The following GALNT18 variants were observed in gnomAD, a reference collection of about 807,000 sequenced individuals.
GALNT18 encodes GalNAc-transferase 18.
In GALNT18, 44 loss-of-function variants were observed where a neutral mutation model predicts 69.5. The observed-to-expected ratio is 0.63, with a 90% CI of 0.50 to 0.81. The LOEUF is 0.81. Among genes scored for constraint, GALNT18 ranks in the 40% least tolerant of loss-of-function variants. The pLI is 0.00. For synonymous variants in GALNT18, 364 were observed against 318.2 expected, an observed-to-expected ratio of 1.14 and a Z score of -1.53; for missense variants, 715 against 810.0, an observed-to-expected ratio of 0.88 and a Z score of 1.42.
chr11:11,550,197 C>G (rs11021920), intron 1 of GALNT18, among the ~76,000 whole-genome samples: 38,352 of 152,160 alleles, frequency 0.25, 6,116 homozygotes, highest in Middle Eastern at 0.39. Context: ...TGTCCCAGTC[C>G]AGGTGGAAAC....
chr11:11,299,691 C>A (rs10831578), intron 9 of GALNT18, among the ~76,000 whole-genome samples: 2 of 152,064 alleles, frequency 1.3e-5, no homozygotes, highest in African/African-American at 2.4e-5. Context: ...GGTATATATA[C>A]CACATTTTCT....
At position 11,418,666 on chromosome 11, in the gene GALNT18, G is replaced by A. The variant is rs79798117; in HGVS notation, c.595+13955C>T. ...ATCATCTGCACTCGGCTGCCAGCTC[G>A]CTGGGGACAGAAACACTTTCTCATC... On this transcript the variant is annotated intron_variant, in intron 3 of 10. Transcript: ENST00000227756. Among the ~76,000 whole-genome samples the A allele has an allele frequency of 2.7e-3, 414 of 152,274 alleles. 3 individuals carry two copies. Among genetic ancestry groups the A allele is most frequent in the African/African-American group, 9.6e-3 (400 of 41,558 alleles).
chr11:11,275,780 TA>T (rs776062575), intron 10 of GALNT18, among the ~76,000 whole-genome samples: 1 of 152,232 alleles, frequency 6.6e-6, no homozygotes, highest in Non-Finnish European at 1.5e-5. Context: ...CACCATTTAT[TA>T]AATAGGGAAT....
intron 1 of GALNT18, among the ~76,000 whole-genome samples, chr11:11,495,890 T>G (rs1355467407): frequency 6.6e-6 from 1 of 152,218 alleles, no homozygotes; most frequent in Non-Finnish European, 1.5e-5. Flanking sequence ...GGTCCTCCTC[T>G]CAAGGCAGTC....
rs1859376783 is a variant in GALNT18 at position 11,592,290 on chromosome 11, G to T, written c.235+29069C>A. Among the ~76,000 whole-genome samples the T allele has an allele frequency of 6.6e-6, 1 of 152,040 alleles. No individual in the cohort carries two copies. The highest frequency in any genetic ancestry group is 2.1e-4 in the South Asian group (1 of 4,816). On this transcript the variant is annotated intron_variant, in intron 1 of 10. Transcript: ENST00000227756. This position sits in a 1 kb window ranked among gnomAD's most constrained non-coding sequence, Gnocchi z 5.9. ...GAAGTGAAATGCTAAGAAATTATAT[G>T]CACGGTTACGAAAAAAAATCAAAGA...
In GALNT18 at chr11:11,620,328, CGCGCGT is replaced by C. The variant is rs200093297; in HGVS notation, c.235+1025_235+1030del. 0.071 allele frequency among the ~76,000 whole-genome samples: 7,811 copies of C among 110,680 alleles called. 271 individuals are homozygous for C. Among genetic ancestry groups the C allele is most frequent in the Non-Finnish European group, 0.096 (5,467 of 57,164 alleles). 72.6% of individuals were successfully genotyped at this position (110,680 alleles called of 152,430 possible). A position where few individuals can be genotyped will look rare whatever the true frequency, so the allele number is the denominator to read the frequency against. On this transcript the variant is annotated intron_variant, in intron 1 of 10. Transcript: ENST00000227756. This position sits in a 1 kb window ranked among gnomAD's most constrained non-coding sequence, Gnocchi z 6.9. Reference sequence around the variant, plus strand: ...AAGTGTGGACGTGAGCGCGCGCGCGCGCGCGTGTGTGTGTGTGTGTGCACACCCGGC... The same window carrying C: ...AAGTGTGGACGTGAGCGCGCGCGCGCGTGTGTGTGTGTGTGCACACCCGGC...
intron 1 of GALNT18, among the ~76,000 whole-genome samples, chr11:11,609,110 T>C (rs1418128678): frequency 6.6e-6 from 1 of 152,212 alleles, no homozygotes; most frequent in African/African-American, 2.4e-5. Flanking sequence ...CCTGGCACAA[T>C]GCCAAGCCCA....
chr11:11,299,842 C>T (rs1303496037), intron 9 of GALNT18, among the ~76,000 whole-genome samples: 7 of 152,196 alleles, frequency 4.6e-5, no homozygotes, highest in Admixed American at 4.6e-4. Context: ...ATTGGGATTG[C>T]TGGATCAAAT....
At chr11:11,491,122 C>G (rs1369025373) in intron 1 of GALNT18, among the ~76,000 whole-genome samples, 1 of 152,076 alleles carries the variant, frequency 6.6e-6, no homozygotes, top group Non-Finnish European at 1.5e-5. Flanking sequence ...CAGGTGGGGT[C>G]GTTGTCACTA....
chr11:11,374,352 C>A (rs1850987393), intron 5 of GALNT18, among the ~76,000 whole-genome samples: 1 of 152,206 alleles, frequency 6.6e-6, no homozygotes, highest in African/African-American at 2.4e-5. Context: ...ACTTGAGAGC[C>A]TCTGGGACAT....
intron 9 of GALNT18, among the ~76,000 whole-genome samples, chr11:11,296,458 G>T (rs945227301): frequency 7.2e-5 from 11 of 152,160 alleles, no homozygotes; most frequent in Admixed American, 7.2e-4. Flanking sequence ...TAATCTCCCT[G>T]CATGCCAGGA....
chr11:11,294,269 C>G (rs1052988240), intron 9 of GALNT18, among the ~76,000 whole-genome samples: 18 of 152,354 alleles, frequency 1.2e-4, no homozygotes, highest in South Asian at 2.1e-4. Flanking sequence ...ATGGGAAATG[C>G]TGTCTACCAG....
chr11:11,275,351 T>C (rs1848921202), intron 10 of GALNT18, among the ~76,000 whole-genome samples: 3 of 152,202 alleles, frequency 2.0e-5, no homozygotes, highest in Non-Finnish European at 4.4e-5. Flanking sequence ...TTTTGAGAAG[T>C]GTCTGTTCAT....
chr11:11,427,552 C>T (rs559873632), intron 3 of GALNT18, among the ~76,000 whole-genome samples: 48 of 152,316 alleles, frequency 3.2e-4, no homozygotes, highest in Admixed American at 2.1e-3. Context: ...TGTGTTATCT[C>T]ATTCAAGCCT....
At chr11:11,608,105 G>C (rs902732631) in intron 1 of GALNT18, among the ~76,000 whole-genome samples, 24 of 152,156 alleles carry the variant, frequency 1.6e-4, no homozygotes, top group African/African-American at 5.3e-4. Context: ...ATTAGTCTGG[G>C]CTCCCCTGGA....
In GALNT18 at chr11:11,457,738, G is replaced by A. The variant is rs1028713901; in HGVS notation, c.236-8802C>T. On this transcript the variant is annotated intron_variant, in intron 1 of 10. Transcript: ENST00000227756. ...GATGTGCTCCCAGGAAACCACTGGA[G>A]CCTTCTTGTTTCTTGTGGTTTACTC... 2.0e-5 allele frequency among the ~76,000 whole-genome samples: 3 copies of A among 152,272 alleles called. No homozygotes were observed. In the East Asian group the frequency reaches 5.8e-4, roughly 29 times the overall value.
chr11:11,423,956 G>A (rs1429994530), intron 3 of GALNT18, among the ~76,000 whole-genome samples: 1 of 152,208 alleles, frequency 6.6e-6, no homozygotes, highest in Non-Finnish European at 1.5e-5. Flanking sequence ...GCCTGGTCAG[G>A]ACTCTTTCTA....
chr11:11,488,840 G>C (rs1239673840), intron 1 of GALNT18, among the ~76,000 whole-genome samples: 6 of 152,190 alleles, frequency 3.9e-5, no homozygotes, highest in African/African-American at 9.7e-5. Flanking sequence ...AGAAGGATGA[G>C]TAAGGTCCAA....
rs1405631776 is a variant in GALNT18 at position 11,327,162 on chromosome 11, G to A, written c.1436C>T (p.Thr479Ile). 6.2e-7 allele frequency: 1 copy of A among 1,613,718 alleles called. No homozygotes were observed. The highest frequency in any genetic ancestry group is 1.3e-5 in the African/African-American group (1 of 74,922). Residue 479 changes from threonine to isoleucine, a missense_variant, in exon 9 of 11, where the codon ACT becomes ATT. Transcript: ENST00000227756. ...AYGVLQNSLKTDLCLDQGPDT... is the reference protein window; with the variant it reads ...AYGVLQNSLKIDLCLDQGPDT... ...TGGCCCCTGGTCAAGACACAAATCA[G>A]TCTTCAGAGAATTCTGCAGCTGAAC...
Sources: gnomAD v4.1 joint callset for allele counts (sites outside exome capture counted in the v4.1 genomes callset) on GRCh38, gnomAD v4.1.1 for gene constraint, Gnocchi (gnomAD v3.1) non-coding constraint, MANE v1.5 for transcripts, NCBI Gene and HGNC (gene_info 2026-07-23, HGNC 2026-07-21) for gene names.